Variants in GALR1 observed in about 807,000 individuals in gnomAD.
GALR1 encodes the protein galanin receptor type 1.
In GALR1, 11 loss-of-function variants were observed where a neutral mutation model predicts 17.9. That is an observed-to-expected ratio of 0.62 (90% CI 0.39 to 1.02). GALR1 has a LOEUF of 1.02. Among genes scored for constraint, GALR1 ranks in the 50% least tolerant of loss-of-function variants. GALR1 has a pLI of 0.01. For missense variants in GALR1, 441 were observed against 456.9 expected, an observed-to-expected ratio of 0.97 and a Z score of 0.32; for synonymous variants, 206 against 205.7, an observed-to-expected ratio of 1.00 and a Z score of -0.01.
Position 77,274,576 on chromosome 18 carries a change from C to G in GALR1, c.*5674C>G, listed in dbSNP as rs1168111628. 6.6e-6 allele frequency: 1 copy of G among 152,208 alleles called. No individual in the cohort carries two copies. Among genetic ancestry groups the G allele is most frequent in the African/African-American group, 2.4e-5 (1 of 41,414 alleles). The allele number at this position is 152,208 out of a possible 1,614,324, so 9.4% of individuals were successfully genotyped here. A position where few individuals can be genotyped will look rare whatever the true frequency, so the allele number is the denominator to read the frequency against. Reference sequence around the variant, plus strand: ...CATCATTTCTGATTGGTTCTTAGAGCCTGCATCTTGTACCACTGGGACTTC... The same window carrying G: ...CATCATTTCTGATTGGTTCTTAGAGGCTGCATCTTGTACCACTGGGACTTC... On this transcript the variant is annotated 3_prime_UTR_variant, in exon 3 of 3. Coordinates refer to ENST00000299727, the MANE Select transcript of GALR1 (RefSeq NM_001480.4).
At position 77,255,736 on chromosome 18, in the gene GALR1, G is replaced by A. The variant is rs557402550; in HGVS notation, c.667-422G>A. Among the ~76,000 whole-genome samples, 5 of 152,320 alleles carry A rather than the reference G, an allele frequency of 3.3e-5. No individual in the cohort carries two copies. The South Asian group carries it at 6.2e-4, about 19-fold the overall frequency. On this transcript the variant is annotated intron_variant, in intron 1 of 2. Transcript: ENST00000299727. Reference sequence around the variant, plus strand: ...AAGGGCAAATCTCTAGTTTTTCGATGCATCCAGGATCTAACTTTGTGCCTG... The same window carrying A: ...AAGGGCAAATCTCTAGTTTTTCGATACATCCAGGATCTAACTTTGTGCCTG...
chr18:77,252,247 T>C (rs1298450030), intron 1 of GALR1, among the ~76,000 whole-genome samples: 1 of 151,660 alleles, frequency 6.6e-6, no homozygotes, highest in Non-Finnish European at 1.5e-5. Context: ...ATTTTAATAA[T>C]CAGGTGATGG....
intron 1 of GALR1, among the ~76,000 whole-genome samples, chr18:77,254,888 G>A (rs1446922637): frequency 1.3e-5 from 2 of 152,142 alleles, no homozygotes; most frequent in African/African-American, 2.4e-5. Flanking sequence ...GAAGCATTTC[G>A]GTAGGGGAGA....
Position 77,250,862 on chromosome 18 carries a change from C to T in GALR1, c.314C>T (p.Ala105Val). 1 of 1,612,000 alleles carries T rather than the reference C, an allele frequency of 6.2e-7. No individual in the cohort carries two copies. The highest frequency in any genetic ancestry group is 8.5e-7 in the Non-Finnish European group (1 of 1,180,006). Residue 105 changes from alanine (A) to valine (V), a missense_variant, in exon 1 of 3, where the codon GCC becomes GTC. Ala to Val is a moderately conservative substitution (Grantham distance 64, BLOSUM62 0). Coordinates refer to ENST00000299727, the MANE Select transcript of GALR1 (RefSeq NM_001480.4). The part of the protein sequence containing the change: ...VYALPTWVLG[A>V]FICKFIHYFF... ...GCGCTGCCCACCTGGGTGCTGGGCG[C>T]CTTCATCTGCAAGTTCATCCACTAC...
intron 2 of GALR1, 66 bp downstream of exon 2, chr18:77,256,289 C>A: frequency 2.2e-6 from 2 of 907,662 alleles, no homozygotes; most frequent in South Asian, 2.9e-5. Flanking sequence ...GTTTTTTTTA[C>A]TTGTCCTCAC....
Position 77,250,789 on chromosome 18 carries a change from G to C in GALR1, c.241G>C (p.Asp81His). Residue 81 changes from aspartate to histidine, a missense_variant, in exon 1 of 3, where the codon GAC (aspartate) becomes CAC (histidine). Transcript: ENST00000299727. ...NLFILNLSIA[D>H]LAYLLFCIPF... is the part of the protein sequence containing the mutation. ...GTTCATCCTCAACCTGAGCATCGCC[G>C]ACCTGGCCTACCTGCTCTTCTGCAT... 6.2e-7 allele frequency: 1 copy of C among 1,613,956 alleles called. No homozygotes were observed.
chr18:77,259,266 T>G (rs1269917463), intron 2 of GALR1, among the ~76,000 whole-genome samples: 3 of 49,978 alleles, frequency 6.0e-5, no homozygotes, highest in African/African-American at 1.7e-4. Flanking sequence ...GGTGGTGGTG[T>G]TGGTGTTGGT....
At chr18:77,254,824 G>A (rs933862217) in intron 1 of GALR1, among the ~76,000 whole-genome samples, 6 of 152,138 alleles carry the variant, frequency 3.9e-5, no homozygotes, top group Non-Finnish European at 7.4e-5. Context: ...ATGCTCCTGC[G>A]GCACGTAAAC....
In GALR1 at chr18:77,268,843, A is replaced by G; in HGVS notation, c.991A>G (p.Thr331Ala). ...HIRKDSHLSD[T>A]KESKSRIDTP... ...TCGCAAAGATTCACACCTGAGTGATACTAAAGAAAGTAAAAGTCGAATAGA... is the reference window on the plus strand; with the variant it reads ...TCGCAAAGATTCACACCTGAGTGATGCTAAAGAAAGTAAAAGTCGAATAGA... The change falls in exon 3 of 3, where the codon ACT becomes GCT. Residue 331 changes from threonine (T) to alanine (A), a missense_variant. By Grantham distance (58) the Thr-to-Ala change is moderately conservative. Transcript: ENST00000299727. 1 of 1,613,866 alleles carries G rather than the reference A, an allele frequency of 6.2e-7. No homozygotes were observed.
intron 2 of GALR1, among the ~76,000 whole-genome samples, chr18:77,256,687 C>G (rs78149741): frequency 0.065 from 9,969 of 152,276 alleles, 337 homozygotes; most frequent in Middle Eastern, 0.12. Flanking sequence ...GAGTGCTGGG[C>G]CATTCTTGCC....
At chr18:77,263,724 A>T (rs756188528) in intron 2 of GALR1, among the ~76,000 whole-genome samples, 4 of 152,158 alleles carry the variant, frequency 2.6e-5, no homozygotes, top group Non-Finnish European at 5.9e-5. Context: ...TTTGATAAAC[A>T]TCATTTCACG....
intron 2 of GALR1, among the ~76,000 whole-genome samples, chr18:77,265,654 A>G (rs1484141742): frequency 1.3e-5 from 2 of 152,224 alleles, no homozygotes; most frequent in Non-Finnish European, 2.9e-5. Context: ...TGGGCATCCA[A>G]GCATTTCCAT....
intron 2 of GALR1, among the ~76,000 whole-genome samples, chr18:77,262,581 A>C (rs575530841): frequency 2.6e-4 from 40 of 152,352 alleles, no homozygotes; most frequent in Non-Finnish European, 4.4e-4. Context: ...CCAGGTGCCC[A>C]GGGCCTGTTT....
chr18:77,258,858 TGGTGGTGATG>T (rs1912703971), intron 2 of GALR1, among the ~76,000 whole-genome samples: 1 of 125,768 alleles, frequency 8.0e-6, no homozygotes, highest in Admixed American at 7.5e-5. Context: ...GTGGTGATGG[TGGTGGTGATG>T]GTGGTGATGA....
chr18:77,260,866 G>A (rs1228437602), intron 2 of GALR1, among the ~76,000 whole-genome samples: 1 of 134,744 alleles, frequency 7.4e-6, no homozygotes, highest in Admixed American at 8.0e-5. Flanking sequence ...TTGCTTCCTG[G>A]AGAAAATTGG....
At chr18:77,258,647 GGTC>G (rs1912668795) in intron 2 of GALR1, among the ~76,000 whole-genome samples, 3 of 142,824 alleles carry the variant, frequency 2.1e-5, no homozygotes, top group African/African-American at 2.5e-5. Flanking sequence ...TGGTGGTGGT[GGTC>G]ATAGTGGTGG....
Position 77,270,759 on chromosome 18 carries a change from G to C in GALR1, c.*1857G>C, listed in dbSNP as rs1462898350. 6.6e-6 allele frequency: 1 copy of C among 152,154 alleles called. No homozygotes were observed. The highest frequency in any genetic ancestry group is 6.5e-5 in the Admixed American group (1 of 15,272). The allele number at this position is 152,154 out of a possible 1,614,324, so 9.4% of individuals were successfully genotyped here. On this transcript the variant is annotated 3_prime_UTR_variant, in exon 3 of 3. Transcript: ENST00000299727. ...TGGATAAAAGGAAAGAAAAACGTTA[G>C]AAAGATTTTGAAGTGATGTATTATG...
rs1293513244 is a variant in GALR1, at chr18:77,274,382, G to T, written c.*5480G>T. The T allele has an allele frequency of 6.6e-6, 1 of 152,186 alleles. No individual in the cohort carries two copies. Among genetic ancestry groups the T allele is most frequent in the African/African-American group, 2.4e-5 (1 of 41,398 alleles). 9.4% of individuals were successfully genotyped at this position (152,186 alleles called of 1,614,324 possible). A position where few individuals can be genotyped will look rare whatever the true frequency, so the allele number is the denominator to read the frequency against. On this transcript the variant is annotated 3_prime_UTR_variant, in exon 3 of 3. Coordinates refer to ENST00000299727, the MANE Select transcript of GALR1 (RefSeq NM_001480.4). Reference sequence around the variant, plus strand: ...CCCAGGTGCCACCCAGGCTCTGCAGGCAAAGCTCTCAGGGCCCCATTTGTG... The same window carrying T: ...CCCAGGTGCCACCCAGGCTCTGCAGTCAAAGCTCTCAGGGCCCCATTTGTG...
At chr18:77,251,532 A>G (rs1912416204) in intron 1 of GALR1, among the ~76,000 whole-genome samples, 1 of 152,118 alleles carries the variant, frequency 6.6e-6, no homozygotes, top group African/African-American at 2.4e-5. Flanking sequence ...CAACGCCCCC[A>G]GGTTGCCTGG....
Sources: allele counts gnomAD v4.1 joint callset (sites outside exome capture counted in the v4.1 genomes callset), GRCh38; gene constraint gnomAD v4.1.1; transcripts MANE v1.5; gene names NCBI Gene and HGNC (gene_info 2026-07-23, HGNC 2026-07-21).